Variants in C1orf167 observed in about 807,000 individuals in gnomAD.
C1orf167 encodes chromosome 1 open reading frame 167, also known as uncharacterized protein C1orf167.
In C1orf167, 153 loss-of-function variants were observed where a neutral mutation model predicts 176.5. The observed-to-expected ratio is 0.87, with a 90% confidence interval of 0.76 to 0.99. The LOEUF (loss-of-function observed/expected upper bound fraction) is 0.99, where lower values mean the gene tolerates loss of function less well. Among genes scored for constraint, C1orf167 ranks in the 50% least tolerant of loss-of-function variants. The pLI, the probability that C1orf167 is intolerant of heterozygous loss-of-function variation, is 0.00. For missense variants in C1orf167, 1,490 were observed against 1,817.7 expected, an observed-to-expected ratio of 0.82 and a Z score of 3.28; for synonymous variants, 594 against 752.7, an observed-to-expected ratio of 0.79 and a Z score of 3.45.
At chr1:11,781,909 CA>C (rs140233984) in intron 13 of C1orf167, among the ~76,000 whole-genome samples, 33,738 of 124,504 alleles carry the variant, frequency 0.27, 3,808 homozygotes, top group South Asian at 0.45. Context: ...GACTCCGTCT[CA>C]AAAAAAAAAA....
chr1:11,787,949 C>A lies in C1orf167; in HGVS notation c.3750C>A (p.Gly1250=). Residue 1250 remains glycine (G), a synonymous_variant, in exon 18 of 21, where the codon GGC becomes GGA. Coordinates refer to ENST00000688073, the MANE Select transcript of C1orf167 (RefSeq NM_001010881.2). ...CTGGACAGAGTAGCTGGGTCCCAGG[C>A]CTGCCCCTGTGGACGAGGGACCAGG... ...QWPGQSSWVP[G]LPLWTRDQGP... 1 of 1,304,074 alleles carries A rather than the reference C, an allele frequency of 7.7e-7. No homozygotes were observed. The highest frequency in any genetic ancestry group is 1.2e-5 in the South Asian group (1 of 80,976). 80.8% of individuals were successfully genotyped at this position (1,304,074 alleles called of 1,614,324 possible). A position where few individuals can be genotyped will look rare whatever the true frequency, so the allele number is the denominator to read the frequency against.
At chr1:11,785,116 GC>G (rs1643790842) in intron 15 of C1orf167, 31 bp from the exon 16 acceptor site, 4 of 1,272,548 alleles carry the variant, frequency 3.1e-6, no homozygotes, top group Non-Finnish European at 4.1e-6. Flanking sequence ...GGCCTTTATG[GC>G]CCTGGCTGCA....
rs1450519385 is a variant in C1orf167, at chr1:11,775,584, A to G, written c.2138A>G (p.Gln713Arg). The change falls in exon 9 of 21, where the codon CAG becomes CGG. Residue 713 changes from glutamine (Q) to arginine (R), a missense_variant. Transcript: ENST00000688073. ...LRESDGAKVT[Q>R]LSLCRQKAGR... ...GAATCAGATGGGGCAAAGGTGACCC[A>G]GCTGTCCCTCTGCCGGCAGAAAGCA... is the stretch of plus-strand genomic sequence containing the variant. 3.1e-6 allele frequency: 4 copies of G among 1,303,574 alleles called. No homozygotes were observed. The highest frequency in any genetic ancestry group is 4.0e-6 in the Non-Finnish European group (4 of 988,760). The allele number at this position is 1,303,574 out of a possible 1,614,324, so 80.8% of individuals were successfully genotyped here.
intron 4 of C1orf167, among the ~76,000 whole-genome samples, 168 bp downstream of exon 4, chr1:11,767,432 C>G (rs912275396): frequency 6.6e-6 from 1 of 152,034 alleles, no homozygotes; most frequent in East Asian, 1.9e-4. Context: ...AAGGGAGCCT[C>G]CAGGGCCCCA....
chr1:11,788,872 CA>C, intron 20 of C1orf167, 126 bp downstream of exon 20: 1 of 727,278 alleles, frequency 1.4e-6, no homozygotes, highest in South Asian at 1.6e-5. Context: ...CCTTCGTTTT[CA>C]GGGGAGGGGG....
In C1orf167 at chr1:11,771,069, A is replaced by ATTT. The variant is rs147195468; in HGVS notation, c.1698-430_1698-428dup. On this transcript the variant is annotated intron_variant, in intron 6 of 20. Transcript: ENST00000688073. ...TGTGTGTATATATATATATATATAT[A>ATTT]TTTTTTTTTTTTTTTTTTTTTTTTT... Among the ~76,000 whole-genome samples, 116 of 47,226 alleles carry ATTT rather than the reference A, an allele frequency of 2.5e-3. 7 individuals carry two copies. Among genetic ancestry groups the ATTT allele is most frequent in the Admixed American group, 5.3e-3 (13 of 2,476 alleles). 31.0% of individuals were successfully genotyped at this position (47,226 alleles called of 152,430 possible).
At chr1:11,763,561 T>C (rs1318686194) in intron 1 of C1orf167, among the ~76,000 whole-genome samples, 1 of 152,242 alleles carries the variant, frequency 6.6e-6, no homozygotes, top group Non-Finnish European at 1.5e-5. Context: ...TATAACTTTA[T>C]TCACATAATA....
intron 2 of C1orf167, among the ~76,000 whole-genome samples, chr1:11,765,350 C>T (rs955065849): frequency 4.6e-5 from 7 of 152,110 alleles, no homozygotes; most frequent in Non-Finnish European, 1.0e-4. Context: ...GGAGGAGCTC[C>T]AAGGCCCCTC....
rs1643907148 is a variant in C1orf167, at chr1:11,787,395, G to A, written c.3575G>A (p.Ser1192Asn). The A allele has an allele frequency of 7.7e-7, 1 of 1,295,054 alleles. No individual in the cohort carries two copies. Among genetic ancestry groups the A allele is most frequent in the African/African-American group, 1.5e-5 (1 of 65,622 alleles). The allele number at this position is 1,295,054 out of a possible 1,614,324, so 80.2% of individuals were successfully genotyped here. Residue 1192 changes from serine (S) to asparagine (N), a missense_variant, in exon 17 of 21, where the codon AGC becomes AAC. Physicochemically the swap from Ser to Asn is conservative, Grantham distance 46. Coordinates refer to ENST00000688073, the MANE Select transcript of C1orf167 (RefSeq NM_001010881.2). Reference protein sequence around the residue: ...LGLPGAGKTRSCWTQATELVP... With the variant: ...LGLPGAGKTRNCWTQATELVP... ...CTCTGGCTATTCCTTCAGACCCGCA[G>A]CTGCTGGACACAGGCCACAGAGCTG...
Position 11,784,376 on chromosome 1 carries a change from G to A in C1orf167, c.3208G>A (p.Gly1070Ser). The A allele has an allele frequency of 7.7e-7, 1 of 1,304,154 alleles. No individual in the cohort carries two copies. Among genetic ancestry groups the A allele is most frequent in the South Asian group, 1.2e-5 (1 of 81,012 alleles). The allele number at this position is 1,304,154 out of a possible 1,614,324, so 80.8% of individuals were successfully genotyped here. A position where few individuals can be genotyped will look rare whatever the true frequency, so the allele number is the denominator to read the frequency against. Reference sequence around the variant, plus strand: ...CCGCTGGAGAAGCTGCGGGCAGCAAGGCCAGGAAGATGGGCAGCAGAAGAA... The same window carrying A: ...CCGCTGGAGAAGCTGCGGGCAGCAAAGCCAGGAAGATGGGCAGCAGAAGAA... Reference protein sequence around the residue: ...LARWRSCGQQGQEDGQQKKAR... With the variant: ...LARWRSCGQQSQEDGQQKKAR... Residue 1070 changes from glycine (G) to serine (S), a missense_variant, in exon 15 of 21, where the codon GGC becomes AGC. Transcript: ENST00000688073.
chr1:11,771,049 G>GTGTGTGTGTGTATATA (rs1491322371), intron 6 of C1orf167, among the ~76,000 whole-genome samples: 6 of 34,912 alleles, frequency 1.7e-4, no homozygotes, highest in East Asian at 1.7e-3. Context: ...GTGTGTGTGT[G>GTGTGTGTGTGTATATA]TATATATATA....
chr1:11,787,246 G>T, intron 16 of C1orf167, 142 bp from the exon 17 acceptor site: 1 of 332,934 alleles, frequency 3.0e-6, no homozygotes, highest in Non-Finnish European at 5.5e-6. Flanking sequence ...CCCCATTGTT[G>T]GAATGTCTTC....
At chr1:11,771,698 C>T (rs192879268) in intron 7 of C1orf167, 62 bp downstream of exon 7, 8 of 1,150,334 alleles carry the variant, frequency 7.0e-6, no homozygotes, top group African/African-American at 1.6e-5. Context: ...GCCTGAGCTC[C>T]ACACTGGGCA....
chr1:11,775,156 G>A (rs765917587), intron 8 of C1orf167, among the ~76,000 whole-genome samples: 30 of 152,156 alleles, frequency 2.0e-4, no homozygotes, highest in Non-Finnish European at 3.8e-4. Context: ...GGGCATGGTG[G>A]TGCATGCTTG....
At chr1:11,771,741 T>C in intron 7 of C1orf167, 105 bp downstream of exon 7, 1 of 704,782 alleles carries the variant, frequency 1.4e-6, no homozygotes, top group Non-Finnish European at 2.1e-6. Flanking sequence ...TGAATGTTTA[T>C]TTTGCATCTG....
At chr1:11,775,795 T>A (rs1643286590) in intron 9 of C1orf167, among the ~76,000 whole-genome samples, 185 bp downstream of exon 9, 1 of 152,142 alleles carries the variant, frequency 6.6e-6, no homozygotes, top group African/African-American at 2.4e-5. Context: ...CTGAGCCACA[T>A]CCCTATGTCC....
Position 11,789,348 on chromosome 1 carries a change from A to G in C1orf167, c.4252A>G (p.Lys1418Glu). ...GAASSPRPWSKPGPKGPESGQ... is the reference protein window; with the variant it reads ...GAASSPRPWSEPGPKGPESGQ... The stretch of plus-strand genomic sequence containing the variant: ...TGCCAGTAGCCCAAGACCCTGGAGC[A>G]AGCCAGGCCCCAAGGGCCCCGAGAG... Residue 1418 changes from lysine (K) to glutamate (E), a missense_variant, in exon 21 of 21, where the codon AAG becomes GAG. By Grantham distance (56) the Lys-to-Glu change is moderately conservative. Transcript: ENST00000688073. 1 of 1,304,054 alleles carries G rather than the reference A, an allele frequency of 7.7e-7. No individual in the cohort carries two copies. The highest frequency in any genetic ancestry group is 1.0e-6 in the Non-Finnish European group (1 of 988,898). 80.8% of individuals were successfully genotyped at this position (1,304,054 alleles called of 1,614,324 possible).
Position 11,779,793 on chromosome 1 carries a change from CT to C in C1orf167, c.2652-6del, listed in dbSNP as rs140897322. 205,467 of 1,297,762 alleles carry C rather than the reference CT, an allele frequency of 0.16. 17,648 individuals carry two copies. Among genetic ancestry groups the C allele is most frequent in the South Asian group, 0.25 (19,938 of 80,652 alleles). 80.4% of individuals were successfully genotyped at this position (1,297,762 alleles called of 1,614,324 possible). ...TGGCCATCCTCAGGGTGGACCCTCCCTTTCCCAGCATCTTCCTCAGCTGGAG... is the reference window on the plus strand; with the variant it reads ...TGGCCATCCTCAGGGTGGACCCTCCCTTCCCAGCATCTTCCTCAGCTGGAG... On this transcript the variant is annotated splice_polypyrimidine_tract_variant and splice_region_variant and intron_variant, in intron 12 of 20. Coordinates refer to ENST00000688073, the MANE Select transcript of C1orf167 (RefSeq NM_001010881.2).
In C1orf167 at chr1:11,787,393, C is replaced by G. The variant is rs561469824; in HGVS notation, c.3573C>G (p.Arg1191=). Residue 1191 remains arginine (R), a synonymous_variant, in exon 17 of 21, where the codon CGC becomes CGG. Transcript: ENST00000688073. ...CTCTCTGGCTATTCCTTCAGACCCG[C>G]AGCTGCTGGACACAGGCCACAGAGC... ...RLGLPGAGKT[R]SCWTQATELV... 14 of 1,293,964 alleles carry G rather than the reference C, an allele frequency of 1.1e-5. No homozygotes were observed. The East Asian group carries it at 7.3e-4, about 68-fold the overall frequency. The allele number at this position is 1,293,964 out of a possible 1,614,324, so 80.2% of individuals were successfully genotyped here. A position where few individuals can be genotyped will look rare whatever the true frequency, so the allele number is the denominator to read the frequency against.
Sources: allele counts gnomAD v4.1 joint callset (sites outside exome capture counted in the v4.1 genomes callset), GRCh38; gene constraint gnomAD v4.1.1; transcripts MANE v1.5; gene names NCBI Gene and HGNC (gene_info 2026-07-23, HGNC 2026-07-21).